HPSE2: variants seen among roughly 807,000 people sequenced by gnomAD.
The protein encoded by HPSE2 is inactive heparanase-2.
HPSE2 carries 38 observed loss-of-function variants against 60.5 expected under a neutral mutation model. That is an observed-to-expected ratio of 0.63 (90% CI 0.48 to 0.82). The LOEUF (loss-of-function observed/expected upper bound fraction) is 0.82. Among genes scored for constraint, HPSE2 ranks in the 40% least tolerant of loss-of-function variants. The pLI, the probability that HPSE2 is intolerant of heterozygous loss-of-function variation, is 0.00. For missense variants in HPSE2, 713 were observed against 740.4 expected (o/e 0.96, Z 0.43); for synonymous variants, 295 against 293.2 (o/e 1.01, Z -0.06).
intron 3 of HPSE2, among the ~76,000 whole-genome samples, chr10:98,836,024 C>G (rs61883667): frequency 5.3e-5 from 8 of 152,138 alleles, no homozygotes; most frequent in Non-Finnish European, 8.8e-5. Context: ...CAAAAGGGGC[C>G]TAGTCAACAT....
intron 9 of HPSE2, among the ~76,000 whole-genome samples, chr10:98,518,728 T>C (rs1354602570): frequency 1.5e-5 from 2 of 136,592 alleles, no homozygotes; most frequent in African/African-American, 5.1e-5. Flanking sequence ...AAAAAAAAGA[T>C]GATACTTTAG....
At chr10:98,479,116 G>A (rs1280916449) in intron 11 of HPSE2, among the ~76,000 whole-genome samples, 1 of 152,156 alleles carries the variant, frequency 6.6e-6, no homozygotes, top group African/African-American at 2.4e-5. Flanking sequence ...AATTCTAAGA[G>A]AATGAGAATT....
intron 2 of HPSE2, among the ~76,000 whole-genome samples, chr10:99,146,936 C>T (rs1306763754): frequency 1.3e-5 from 2 of 152,170 alleles, no homozygotes; most frequent in Admixed American, 1.3e-4. Flanking sequence ...ATGTAAAGAG[C>T]TTAAGTCCCT....
At position 98,511,582 on chromosome 10, in the gene HPSE2, GTGTGTGTGTGTGTGTT is replaced by G. The variant is rs772692410; in HGVS notation, c.1321-21402_1321-21387del. On this transcript the variant is annotated intron_variant, in intron 9 of 11. Coordinates refer to ENST00000370552, the MANE Select transcript of HPSE2 (RefSeq NM_021828.5). ...TGTGTGTGTGTGTGTGTGTGTGTGTGTGTGTGTGTGTGTGTTTGTGTGTGTGTGTGCGCACGTGTGT... is the reference window on the plus strand; with the variant it reads ...TGTGTGTGTGTGTGTGTGTGTGTGTGTGTGTGTGTGTGTGCGCACGTGTGT... Among the ~76,000 whole-genome samples, 19 of 113,448 alleles carry G rather than the reference GTGTGTGTGTGTGTGTT, an allele frequency of 1.7e-4. 1 individual carries two copies. Among genetic ancestry groups the G allele is most frequent in the Non-Finnish European group, 3.7e-4 (17 of 46,552 alleles). The allele number at this position is 113,448 out of a possible 152,430, so 74.4% of individuals were successfully genotyped here. A position where few individuals can be genotyped will look rare whatever the true frequency, so the allele number is the denominator to read the frequency against.
intron 6 of HPSE2, among the ~76,000 whole-genome samples, chr10:98,669,867 C>G (rs1446598000): frequency 6.6e-6 from 1 of 151,988 alleles, no homozygotes; most frequent in African/African-American, 2.4e-5. Flanking sequence ...GCACAGGTGC[C>G]CCCTGAATCT....
At chr10:98,793,424 T>C (rs1347103255) in intron 3 of HPSE2, among the ~76,000 whole-genome samples, 1 of 152,262 alleles carries the variant, frequency 6.6e-6, no homozygotes, top group Non-Finnish European at 1.5e-5. Context: ...TATTCATCTC[T>C]AGTTCTTTGT....
At chr10:98,704,547 T>A (rs1413794303) in intron 5 of HPSE2, among the ~76,000 whole-genome samples, 3 of 152,186 alleles carry the variant, frequency 2.0e-5, no homozygotes, top group Non-Finnish European at 4.4e-5. Flanking sequence ...AGCATGGTAC[T>A]TGTCCCAAAA....
intron 3 of HPSE2, among the ~76,000 whole-genome samples, chr10:99,027,117 G>C (rs1015579361): frequency 6.6e-6 from 1 of 151,308 alleles, no homozygotes; most frequent in African/African-American, 2.4e-5. Flanking sequence ...AAATAATAAA[G>C]ATCAAAGCAG....
chr10:98,606,599 GTGTTCTAT>G (rs1227930478), intron 9 of HPSE2, among the ~76,000 whole-genome samples: 1 of 152,212 alleles, frequency 6.6e-6, no homozygotes, highest in Non-Finnish European at 1.5e-5. Flanking sequence ...TAAAAATGGT[GTGTTCTAT>G]TGAATCCTTT....
intron 2 of HPSE2, among the ~76,000 whole-genome samples, chr10:99,220,854 CTTTT>C (rs1210143115): frequency 6.8e-5 from 6 of 88,644 alleles, no homozygotes; most frequent in Admixed American, 2.6e-4. Context: ...GAGGCTTTCA[CTTTT>C]TTTTTTTTTT....
At chr10:98,991,570 G>A (rs1303553623) in intron 3 of HPSE2, among the ~76,000 whole-genome samples, 2 of 152,168 alleles carry the variant, frequency 1.3e-5, no homozygotes, top group African/African-American at 4.8e-5. Flanking sequence ...CTGCAAGATG[G>A]TAGCTTTCAT....
intron 3 of HPSE2, among the ~76,000 whole-genome samples, chr10:98,795,069 A>G (rs1312241044): frequency 6.6e-6 from 1 of 151,450 alleles, no homozygotes; most frequent in African/African-American, 2.4e-5. Flanking sequence ...GGAAGGAAAG[A>G]AGGAAGGAAG....
chr10:98,661,776 T>C (rs1221197121), intron 6 of HPSE2, among the ~76,000 whole-genome samples: 2 of 152,244 alleles, frequency 1.3e-5, no homozygotes, highest in Non-Finnish European at 2.9e-5. Context: ...GTGAAATAAA[T>C]GACCTTGTGC....
the HPSE2 span, among the ~76,000 whole-genome samples, chr10:99,246,516 G>A: frequency 1.3e-5 from 2 of 152,222 alleles, no homozygotes; most frequent in African/African-American, 4.8e-5. Flanking sequence ...GGAGGCCAAG[G>A]CAAGCGGGTC....
chr10:99,205,825 C>A (rs905228230), intron 2 of HPSE2, among the ~76,000 whole-genome samples: 2 of 152,196 alleles, frequency 1.3e-5, no homozygotes, highest in African/African-American at 4.8e-5. Flanking sequence ...GTCTTGGGAG[C>A]ACCAACCTAA....
At chr10:99,176,255 C>A (rs1237734565) in intron 2 of HPSE2, among the ~76,000 whole-genome samples, 1 of 152,112 alleles carries the variant, frequency 6.6e-6, no homozygotes, top group Non-Finnish European at 1.5e-5. Context: ...GGAAACAAAA[C>A]TGGATGGAGA....
chr10:98,536,339 T>G (rs1943282347), intron 9 of HPSE2, among the ~76,000 whole-genome samples: 1 of 152,222 alleles, frequency 6.6e-6, no homozygotes, highest in Non-Finnish European at 1.5e-5. Context: ...CTTTATTGCT[T>G]TATTTTAGGT....
chr10:99,031,846 C>A (rs1055493403), intron 3 of HPSE2, among the ~76,000 whole-genome samples: 1 of 152,062 alleles, frequency 6.6e-6, no homozygotes, highest in African/African-American at 2.4e-5. Flanking sequence ...GAAATATTAG[C>A]AATCAAAAAG....
chr10:99,264,947 C>T, the HPSE2 span, among the ~76,000 whole-genome samples: 1 of 152,078 alleles, frequency 6.6e-6, no homozygotes, highest in African/African-American at 2.4e-5. Context: ...TTTTCACCTC[C>T]CCAACACTTC....
Sources: gnomAD v4.1 joint callset for allele counts (sites outside exome capture counted in the v4.1 genomes callset) on GRCh38, gnomAD v4.1.1 for gene constraint, MANE v1.5 for transcripts, NCBI Gene and HGNC (gene_info 2026-07-23, HGNC 2026-07-21) for gene names.